DOCK10: variants seen among roughly 807,000 people sequenced by gnomAD.
DOCK10 encodes the protein dedicator of cytokinesis protein 10.
In DOCK10, 145 loss-of-function variants were observed where a neutral mutation model predicts 280.1. The observed-to-expected ratio is 0.52, with a 90% CI of 0.45 to 0.59. DOCK10 has a LOEUF of 0.59. Ranked by LOEUF, DOCK10 falls within the 20% of genes least tolerant of loss-of-function variation. DOCK10 has a pLI of 0.00. For synonymous variants in DOCK10, 915 were observed against 942.2 expected (o/e 0.97, Z 0.53); for missense variants, 2,368 against 2,651.7 (o/e 0.89, Z 2.35).
chr2:224,823,001 T>A (rs1184203164), intron 28 of DOCK10, among the ~76,000 whole-genome samples: 1 of 151,820 alleles, frequency 6.6e-6, no homozygotes, highest in Non-Finnish European at 1.5e-5. Flanking sequence ...CCTGTCTTTT[T>A]TTTTTTTGAG....
intron 50 of DOCK10, among the ~76,000 whole-genome samples, chr2:224,780,629 C>T (rs919517438): frequency 2.6e-5 from 4 of 151,792 alleles, no homozygotes; most frequent in African/African-American, 7.3e-5. Context: ...CGGCTGGGTG[C>T]GGTGGTTCAC....
At chr2:224,802,478 G>T (rs1205531818) in intron 39 of DOCK10, among the ~76,000 whole-genome samples, 1 of 152,120 alleles carries the variant, frequency 6.6e-6, no homozygotes, top group Admixed American at 6.6e-5. Context: ...CTTGCTTTCC[G>T]AGGTATTTGT....
At chr2:224,838,499 T>C (rs1008301239) in intron 24 of DOCK10, among the ~76,000 whole-genome samples, 2 of 152,182 alleles carry the variant, frequency 1.3e-5, no homozygotes, top group African/African-American at 2.4e-5. Context: ...CAGAGACACA[T>C]TCACATGCTG....
intron 2 of DOCK10, among the ~76,000 whole-genome samples, chr2:224,925,019 TAGAA>T (rs1701975547): frequency 6.6e-6 from 1 of 151,936 alleles, no homozygotes; most frequent in Admixed American, 6.5e-5. Context: ...TATTATAACA[TAGAA>T]AGAATCTAAT....
chr2:224,930,200 T>TAAAAAAAA (rs749672431), intron 2 of DOCK10, among the ~76,000 whole-genome samples: 1 of 92,262 alleles, frequency 1.1e-5, no homozygotes. Context: ...TGACACTCGG[T>TAAAAAAAA]AAAAAAAAAA....
rs1323506573 is a variant in DOCK10 at position 224,805,691 on chromosome 2, T to C, written c.3815-162A>G. The stretch of plus-strand genomic sequence containing the variant: ...TGGGATTGGCATTAAAGCCAGCTCT[T>C]GTTTTAAAAATGCTTTAGTAAAAGT... On this transcript the variant is annotated intron_variant, in intron 34 of 55. Coordinates refer to ENST00000258390, the MANE Select transcript of DOCK10 (RefSeq NM_014689.3). The surrounding 1 kb of genome is among the most constrained non-coding windows in gnomAD (Gnocchi z 4.3). Among the ~76,000 whole-genome samples the C allele has an allele frequency of 6.6e-6, 1 of 152,170 alleles. No individual in the cohort carries two copies. Among genetic ancestry groups the C allele is most frequent in the Non-Finnish European group, 1.5e-5 (1 of 68,024 alleles).
Position 225,042,229 on chromosome 2 carries a change from C to A in DOCK10, c.123+23G>T. On this transcript the variant is annotated intron_variant, in intron 1 of 55. Coordinates refer to ENST00000258390, the MANE Select transcript of DOCK10 (RefSeq NM_014689.3). This position sits in a 1 kb window ranked among gnomAD's most constrained non-coding sequence, Gnocchi z 5.1. ...CGGGCGCCTGGGGCGCGCGGGAAGG[C>A]GCGGAGGACGCGCCGCACTCACCCG... 1 of 1,245,938 alleles carries A rather than the reference C, an allele frequency of 8.0e-7. No individual in the cohort carries two copies. 77.2% of individuals were successfully genotyped at this position (1,245,938 alleles called of 1,614,324 possible). A position where few individuals can be genotyped will look rare whatever the true frequency, so the allele number is the denominator to read the frequency against.
At chr2:224,854,899 AAC>A in intron 16 of DOCK10, 62 bp downstream of exon 16, 1 of 1,300,648 alleles carries the variant, frequency 7.7e-7, no homozygotes, top group Admixed American at 2.2e-5. Context: ...AACCAACCAA[AAC>A]AAACCCACTA....
At chr2:225,030,873 T>G (rs932258923) in intron 1 of DOCK10, among the ~76,000 whole-genome samples, 2 of 152,254 alleles carry the variant, frequency 1.3e-5, no homozygotes, top group African/African-American at 4.8e-5. Context: ...AAATATTATA[T>G]GCTGGTGCTT....
intron 50 of DOCK10, chr2:224,784,883 G>A (rs1442388362): frequency 2.8e-6 from 2 of 704,396 alleles, no homozygotes; most frequent in Non-Finnish European, 4.3e-6. Context: ...AGGCAATCCT[G>A]TTTTCATGAT....
At chr2:224,957,138 T>C (rs1360129183) in intron 1 of DOCK10, among the ~76,000 whole-genome samples, 1 of 152,186 alleles carries the variant, frequency 6.6e-6, no homozygotes, top group Non-Finnish European at 1.5e-5. Flanking sequence ...TACCCATGGA[T>C]ACCAGTAGCA....
chr2:225,006,446 C>T (rs897335238), intron 1 of DOCK10, among the ~76,000 whole-genome samples: 5 of 152,304 alleles, frequency 3.3e-5, no homozygotes, highest in South Asian at 2.1e-4. Context: ...TCTTAAATGT[C>T]GACATACCTC....
intron 1 of DOCK10, among the ~76,000 whole-genome samples, chr2:225,008,732 A>C (rs1409796942): frequency 1.3e-5 from 2 of 152,174 alleles, no homozygotes; most frequent in Non-Finnish European, 2.9e-5. Context: ...CAAGTGGGGC[A>C]AGTACTACCT....
intron 27 of DOCK10, among the ~76,000 whole-genome samples, chr2:224,827,448 G>T (rs2125370212): frequency 6.6e-6 from 1 of 152,132 alleles, no homozygotes; most frequent in Middle Eastern, 3.4e-3. Context: ...ACACAATCAT[G>T]CTGGCTATTA....
At position 224,806,181 on chromosome 2, in the gene DOCK10, T is replaced by C; in HGVS notation, c.3759A>G (p.Lys1253=). 1.9e-6 allele frequency: 3 copies of C among 1,611,718 alleles called. No individual in the cohort carries two copies. Among genetic ancestry groups the C allele is most frequent in the South Asian group, 1.1e-5 (1 of 90,952 alleles). The change falls in exon 34 of 56, where the codon AAA becomes AAG. Residue 1253 remains lysine, a synonymous_variant. Transcript: ENST00000258390. ...ATGATGTATCCACAGAGTTTGCATG[T>C]TTGATAGCTGTCTGGCTTTGAAATC... is the stretch of plus-strand genomic sequence containing the variant. ...NGGFQSQTAI[K]HANSVDTSFS... is the part of the protein sequence containing the mutation.
chr2:225,035,643 AACC>A lies in DOCK10; in HGVS notation c.123+6606_123+6608del, dbSNP rs1272573877. On this transcript the variant is annotated intron_variant, in intron 1 of 55. Coordinates refer to ENST00000258390, the MANE Select transcript of DOCK10 (RefSeq NM_014689.3). ...ATTAGTCAGTGCGGGCTGCCATAATAACCAAAGAATCAGTGTTAATTGTGTGTT... is the reference window on the plus strand; with the variant it reads ...ATTAGTCAGTGCGGGCTGCCATAATAAAAGAATCAGTGTTAATTGTGTGTT... 6.0e-4 allele frequency among the ~76,000 whole-genome samples: 82 copies of A among 135,992 alleles called. 2 individuals are homozygous for A. The highest frequency in any genetic ancestry group is 2.2e-3 in the African/African-American group (71 of 32,176). 89.2% of individuals were successfully genotyped at this position (135,992 alleles called of 152,430 possible).
intron 2 of DOCK10, among the ~76,000 whole-genome samples, chr2:224,931,311 G>A (rs919666246): frequency 2.6e-5 from 4 of 152,174 alleles, no homozygotes; most frequent in South Asian, 2.1e-4. Context: ...AGCTGGAACC[G>A]GGCAGTGTCC....
At chr2:224,908,542 G>A (rs1700814988) in intron 3 of DOCK10, among the ~76,000 whole-genome samples, 2 of 152,176 alleles carry the variant, frequency 1.3e-5, no homozygotes, top group South Asian at 4.2e-4. Context: ...TGCCCAGGCT[G>A]AAGCTCAGTG....
At chr2:224,931,749 G>A in intron 1 of DOCK10, 81 bp from the exon 2 acceptor site, 5 of 1,358,968 alleles carry the variant, frequency 3.7e-6, no homozygotes, top group Non-Finnish European at 4.9e-6. Flanking sequence ...TCATCTCTTA[G>A]TTATCATTGA....
Sources: allele counts gnomAD v4.1 joint callset (sites outside exome capture counted in the v4.1 genomes callset), GRCh38; gene constraint gnomAD v4.1.1; non-coding constraint Gnocchi (gnomAD v3.1); transcripts MANE v1.5; gene names NCBI Gene and HGNC (gene_info 2026-07-23, HGNC 2026-07-21).